Variants in SMPX observed in about 807,000 individuals in gnomAD.
SMPX encodes small muscle protein X-linked.
In SMPX, 2 loss-of-function variants were observed where a neutral mutation model predicts 6.3. That is an observed-to-expected ratio of 0.32 (90% CI 0.13 to 0.99). SMPX has a LOEUF of 0.99. SMPX is among the 50% of genes least tolerant of loss of function. SMPX has a pLI of 0.49. For missense variants in SMPX, 60 were observed against 66.8 expected (o/e 0.90, Z 0.36); for synonymous variants, 32 against 24.7 (o/e 1.30, Z -0.88).
rs934445142 is a variant in SMPX at position 21,737,766 on chromosome X, A to G, written c.133-69T>C. 1.4e-5 allele frequency: 15 copies of G among 1,054,152 alleles called. No homozygotes were observed. In the Admixed American group the frequency reaches 3.2e-4, roughly 22 times the overall value. The allele number at this position is 1,054,152 out of a possible 1,213,427, so 86.9% of individuals were successfully genotyped here. A position where few individuals can be genotyped will look rare whatever the true frequency, so the allele number is the denominator to read the frequency against. On this transcript the variant is annotated intron_variant, in intron 3 of 4. Coordinates refer to ENST00000379494, the MANE Select transcript of SMPX (RefSeq NM_014332.3). Reference sequence around the variant, plus strand: ...TTGATCTCTTTGGGCCATAAGCATGAACCAGAAAAAAAAATTAAAGTAACA... The same window carrying G: ...TTGATCTCTTTGGGCCATAAGCATGGACCAGAAAAAAAAATTAAAGTAACA...
chrX:21,743,627 C>A (rs2147390360), intron 3 of SMPX, 123 bp downstream of exon 3: 2 of 561,343 alleles, frequency 3.6e-6, no homozygotes, highest in Admixed American at 2.6e-5. Flanking sequence ...TATTCCTTGA[C>A]ACACAGCCAT....
At chrX:21,725,218 C>G (rs956920771) in intron 4 of SMPX, among the ~76,000 whole-genome samples, 4 of 111,919 alleles carry the variant, frequency 3.6e-5, no homozygotes, top group African/African-American at 1.3e-4. Flanking sequence ...GGGGCATAAC[C>G]CAGGACAGGG....
intron 4 of SMPX, among the ~76,000 whole-genome samples, chrX:21,715,807 C>T (rs2092784507): frequency 1.8e-5 from 2 of 111,469 alleles, no homozygotes; most frequent in Admixed American, 1.9e-4. Context: ...GGAGAGGGTA[C>T]TACTGGCATT....
intron 4 of SMPX, among the ~76,000 whole-genome samples, chrX:21,721,783 C>G (rs1383708585): frequency 3.6e-5 from 4 of 112,458 alleles, no homozygotes; most frequent in African/African-American, 1.3e-4. Flanking sequence ...AACGATGGTT[C>G]TCACCCAAAG....
In SMPX at chrX:21,706,167, C is replaced by T. The variant is rs745497492; in HGVS notation, c.*242G>A. On this transcript the variant is annotated 3_prime_UTR_variant, in exon 5 of 5. Transcript: ENST00000379494. ...ATAAAATCATATCCCTCCTCAAAAC[C>T]ACACCCTCCAGGTGTTGAATTTATG... 112 of 510,221 alleles carry T rather than the reference C, an allele frequency of 2.2e-4. 1 individual carries two copies. The highest frequency in any genetic ancestry group is 3.0e-4 in the Non-Finnish European group (86 of 285,622). 42.0% of individuals were successfully genotyped at this position (510,221 alleles called of 1,213,427 possible). A position where few individuals can be genotyped will look rare whatever the true frequency, so the allele number is the denominator to read the frequency against.
intron 3 of SMPX, among the ~76,000 whole-genome samples, chrX:21,741,124 G>A (rs1231389381): frequency 8.9e-6 from 1 of 112,146 alleles, no homozygotes; most frequent in East Asian, 2.8e-4. Flanking sequence ...GCCAAAGACA[G>A]GGTCAGTGCT....
intron 2 of SMPX, among the ~76,000 whole-genome samples, chrX:21,752,268 A>T (rs1000241307): frequency 2.7e-5 from 3 of 111,496 alleles, no homozygotes; most frequent in African/African-American, 6.5e-5. Flanking sequence ...ACCATTAAGG[A>T]AGAAAAACCA....
At chrX:21,733,411 A>T (rs1466575665) in intron 4 of SMPX, among the ~76,000 whole-genome samples, 1 of 112,110 alleles carries the variant, frequency 8.9e-6, no homozygotes, top group African/African-American at 3.2e-5. Flanking sequence ...CACAACCAAA[A>T]CCTACTAAGT....
intron 4 of SMPX, among the ~76,000 whole-genome samples, chrX:21,719,331 C>T (rs1602100302): frequency 9.0e-6 from 1 of 110,728 alleles, no homozygotes; most frequent in Admixed American, 9.6e-5. Flanking sequence ...CCAGCATGGC[C>T]AACATGGTGA....
At chrX:21,727,247 A>G (rs912746445) in intron 4 of SMPX, 4 of 112,651 alleles carry the variant, frequency 3.6e-5, no homozygotes, top group Non-Finnish European at 5.6e-5. Flanking sequence ...CAACTAGCCC[A>G]TGTACAAAAT....
intron 4 of SMPX, among the ~76,000 whole-genome samples, chrX:21,706,754 C>T (rs767253402): frequency 1.4e-4 from 15 of 110,545 alleles, no homozygotes; most frequent in Non-Finnish European, 1.9e-4. Context: ...AATTTCATCA[C>T]GAGGGCGGTT....
chrX:21,730,201 A>G (rs2092801735), intron 4 of SMPX, among the ~76,000 whole-genome samples: 1 of 112,387 alleles, frequency 8.9e-6, no homozygotes, highest in Non-Finnish European at 1.9e-5. Context: ...CAAACCACAG[A>G]GAAGACATTT....
intron 2 of SMPX, among the ~76,000 whole-genome samples, chrX:21,748,924 A>G (rs1160724115): frequency 8.9e-6 from 1 of 112,205 alleles, no homozygotes. Context: ...ATATATTTGG[A>G]ATCATTTTTA....
rs145909267 is a variant in SMPX at position 21,711,237 on chromosome X, G to A, written c.*15-4843C>T. 8.2e-3 allele frequency among the ~76,000 whole-genome samples: 914 copies of A among 111,754 alleles called. 3 individuals carry two copies. Among genetic ancestry groups the A allele is most frequent in the Non-Finnish European group, 0.013 (716 of 53,107 alleles). On this transcript the variant is annotated intron_variant, in intron 4 of 4. Coordinates refer to ENST00000379494, the MANE Select transcript of SMPX (RefSeq NM_014332.3). ...TGTGTCAGGGCTTGAATTTAGAAATGAGAAACAATGGGAAGGGATCCAGAG... is the reference window on the plus strand; with the variant it reads ...TGTGTCAGGGCTTGAATTTAGAAATAAGAAACAATGGGAAGGGATCCAGAG...
chrX:21,729,327 G>A (rs1351939331), intron 4 of SMPX, among the ~76,000 whole-genome samples: 6 of 112,459 alleles, frequency 5.3e-5, no homozygotes, highest in Admixed American at 4.7e-4. Flanking sequence ...GGTAAATCAG[G>A]GTTACTCACT....
At chrX:21,756,514 CA>C (rs761370747) in intron 1 of SMPX, among the ~76,000 whole-genome samples, 3 of 112,380 alleles carry the variant, frequency 2.7e-5, no homozygotes, top group Non-Finnish European at 5.6e-5. Context: ...TCTCATTCCT[CA>C]CAAACAGGCT....
intron 4 of SMPX, among the ~76,000 whole-genome samples, chrX:21,733,081 G>A (rs973128780): frequency 1.8e-5 from 2 of 111,780 alleles, no homozygotes; most frequent in Non-Finnish European, 3.8e-5. Context: ...GGACCGAGCA[G>A]ACTAAGATAA....
At chrX:21,727,082 T>C (rs2092797806) in intron 4 of SMPX, among the ~76,000 whole-genome samples, 1 of 112,704 alleles carries the variant, frequency 8.9e-6, no homozygotes, top group South Asian at 3.7e-4. Context: ...TATCACCTAT[T>C]TCTAACATAG....
chrX:21,738,312 C>T (rs187988311), intron 3 of SMPX, among the ~76,000 whole-genome samples: 18 of 111,412 alleles, frequency 1.6e-4, no homozygotes, highest in African/African-American at 4.6e-4. Context: ...GAGGTGCACG[C>T]GCATACTTGT....
Sources: allele counts gnomAD v4.1 joint callset (sites outside exome capture counted in the v4.1 genomes callset), GRCh38; gene constraint gnomAD v4.1.1; transcripts MANE v1.5; gene names NCBI Gene and HGNC (gene_info 2026-07-23, HGNC 2026-07-21).